C4orf36: variants seen among roughly 807,000 people sequenced by gnomAD.
C4orf36 encodes the protein uncharacterized protein C4orf36.
Under a neutral mutation model 12.2 loss-of-function variants are expected in C4orf36, and 11 were observed. The ratio of observed to expected loss-of-function variants is 0.90; its 90% CI spans 0.57 to 1.49. The LOEUF (loss-of-function observed/expected upper bound fraction) is 1.49. Ranked by LOEUF, C4orf36 falls within the 40% of genes most tolerant of loss-of-function variation. C4orf36 has a pLI of 0.00. For synonymous variants in C4orf36, 54 were observed against 51.3 expected (o/e 1.05, Z -0.22); for missense variants, 137 against 133.9 (o/e 1.02, Z -0.11).
the C4orf36 span, among the ~76,000 whole-genome samples, chr4:86,930,260 G>A: frequency 6.6e-6 from 1 of 152,204 alleles, no homozygotes; most frequent in Non-Finnish European, 1.5e-5. Context: ...CTGTCAGCAT[G>A]AAAACCCCAT....
the C4orf36 span, among the ~76,000 whole-genome samples, chr4:86,931,303 ATCCTTCCTCCTT>A: frequency 6.6e-6 from 1 of 151,740 alleles, no homozygotes; most frequent in South Asian, 2.1e-4. Context: ...GCTTAGACTA[ATCCTTCCTCCTT>A]TTTCATCCCT....
At chr4:86,910,396 C>T in the C4orf36 span, among the ~76,000 whole-genome samples, 18 of 151,872 alleles carry the variant, frequency 1.2e-4, no homozygotes, top group South Asian at 2.7e-3. Flanking sequence ...TGGGCAACAG[C>T]GCAAGACTCT....
chr4:86,901,557 G>A, the C4orf36 span, among the ~76,000 whole-genome samples: 6 of 151,316 alleles, frequency 4.0e-5, no homozygotes, highest in South Asian at 2.1e-4. Context: ...ACAGGCACCC[G>A]CCACCGCACC....
chr4:86,926,564 C>A, the C4orf36 span, among the ~76,000 whole-genome samples: 1 of 152,314 alleles, frequency 6.6e-6, no homozygotes, highest in Non-Finnish European at 1.5e-5. Flanking sequence ...TTATGGTCCT[C>A]ATAGATAAGG....
rs1747229374 is a variant in C4orf36 at position 86,887,695 on chromosome 4, G to C, written c.*2+63C>G. The C allele has an allele frequency of 3.8e-6, 6 of 1,598,880 alleles. No homozygotes were observed. In the Admixed American group the frequency reaches 1.0e-4, roughly 27 times the overall value. On this transcript the variant is annotated intron_variant, in intron 4 of 4. Coordinates refer to ENST00000295898, the MANE Select transcript of C4orf36 (RefSeq NM_144645.4). Reference sequence around the variant, plus strand: ...TGCCCTGAACTATACATAGTGAAAGGTCCAGAGACCTTCATGCCCTTTGGA... The same window carrying C: ...TGCCCTGAACTATACATAGTGAAAGCTCCAGAGACCTTCATGCCCTTTGGA...
At chr4:86,934,111 C>A in the C4orf36 span, among the ~76,000 whole-genome samples, 64 of 152,256 alleles carry the variant, frequency 4.2e-4, no homozygotes, top group Non-Finnish European at 8.7e-4. Context: ...TTACATTACA[C>A]ATCATATTAA....
the C4orf36 span, chr4:86,914,325 G>A: frequency 1.3e-6 from 2 of 1,547,564 alleles, no homozygotes; most frequent in Non-Finnish European, 1.8e-6. Flanking sequence ...GTCAATACCT[G>A]TGATATGTCC....
In C4orf36 at chr4:86,888,254, T is replaced by A; in HGVS notation, c.87A>T (p.Ala29=). 6.2e-7 allele frequency: 1 copy of A among 1,613,892 alleles called. No individual in the cohort carries two copies. Among genetic ancestry groups the A allele is most frequent in the Non-Finnish European group, 8.5e-7 (1 of 1,179,924 alleles). ...CYNVQEPWDI[A]LLAKTWSTNL... ...TTGTGGACCAGGTCTTTGCAAGCAA[T>A]GCAATATCCCAAGGTTCCTGTCTGG... The change falls in exon 3 of 5, where the codon GCA becomes GCT. Residue 29 remains alanine (A), a synonymous_variant. Coordinates refer to ENST00000295898, the MANE Select transcript of C4orf36 (RefSeq NM_144645.4).
At chr4:86,917,993 A>G in the C4orf36 span, among the ~76,000 whole-genome samples, 1 of 152,256 alleles carries the variant, frequency 6.6e-6, no homozygotes, top group Non-Finnish European at 1.5e-5. Context: ...GTCATTATGC[A>G]ATGCAAGATC....
At chr4:86,894,975 A>G (rs1747557210), upstream of C4orf36, among the ~76,000 whole-genome samples, 1 of 152,096 alleles carries the variant, frequency 6.6e-6, no homozygotes, top group Admixed American at 6.5e-5. Context: ...CACCCAGCTA[A>G]GTCACCCTAG....
Position 86,892,315 on chromosome 4 carries a change from G to C in C4orf36, c.-206C>G, listed in dbSNP as rs189858897. ...CAGGGGCTCGGAGGGTCGCGGCCGG[G>C]GTACTGAGGTAAGAGCGCGCTGCGC... On this transcript the variant is annotated 5_prime_UTR_variant, in exon 1 of 5. Coordinates refer to ENST00000295898, the MANE Select transcript of C4orf36 (RefSeq NM_144645.4). 135 of 985,538 alleles carry C rather than the reference G, an allele frequency of 1.4e-4. No individual in the cohort carries two copies. The highest frequency in any genetic ancestry group is 1.8e-4 in the Admixed American group (3 of 16,292). The allele number at this position is 985,538 out of a possible 1,614,324, so 61.0% of individuals were successfully genotyped here.
chr4:86,899,100 T>TA, the C4orf36 span, among the ~76,000 whole-genome samples: 1 of 152,034 alleles, frequency 6.6e-6, no homozygotes, highest in Non-Finnish European at 1.5e-5. Context: ...CAAAAATAAA[T>TA]ACAGAACTTC....
In C4orf36 at chr4:86,887,816, G is replaced by A. The variant is rs201044428; in HGVS notation, c.298C>T (p.Gln100Ter). ...GCTGGCCTTTCCCTCAGGAGAAGCTGAATTTCCTTAGATGTATTTTCTTGA... is the reference window on the plus strand; with the variant it reads ...GCTGGCCTTTCCCTCAGGAGAAGCTAAATTTCCTTAGATGTATTTTCTTGA... ...KCQENTSKEIQLLLRERPAGL... is the reference protein window; with the variant it reads ...KCQENTSKEI Residue 100 changes from glutamine (Q) to a stop codon, truncating the protein, a stop_gained, in exon 4 of 5, where the codon CAG becomes TAG. Transcript: ENST00000295898. LOFTEE classifies it high-confidence loss of function. 4.7e-5 allele frequency: 76 copies of A among 1,614,092 alleles called. No homozygotes were observed. Among genetic ancestry groups the A allele is most frequent in the Non-Finnish European group, 6.0e-5 (71 of 1,180,038 alleles).
At chr4:86,913,788 T>G in the C4orf36 span, 14 of 1,276,884 alleles carry the variant, frequency 1.1e-5, no homozygotes, top group Non-Finnish European at 1.6e-5. Context: ...AAAGGGCATC[T>G]TGCTGCCCCA....
the C4orf36 span, among the ~76,000 whole-genome samples, chr4:86,928,526 A>C: frequency 1.1e-4 from 17 of 152,198 alleles, no homozygotes; most frequent in Non-Finnish European, 2.4e-4. Flanking sequence ...CTGAAGGCAG[A>C]GTAGAGGAAG....
At chr4:86,910,308 A>G in the C4orf36 span, among the ~76,000 whole-genome samples, 1 of 152,094 alleles carries the variant, frequency 6.6e-6, no homozygotes, top group Non-Finnish European at 1.5e-5. Flanking sequence ...GCTACTCAGG[A>G]GGCTGAGGCA....
chr4:86,933,015 C>A, the C4orf36 span: 1 of 151,922 alleles, frequency 6.6e-6, no homozygotes, highest in Non-Finnish European at 1.5e-5. Context: ...TTGTTTATGT[C>A]TGAAATTTAA....
At chr4:86,903,579 G>A in the C4orf36 span, among the ~76,000 whole-genome samples, 1 of 152,190 alleles carries the variant, frequency 6.6e-6, no homozygotes, top group Admixed American at 6.5e-5. Flanking sequence ...GCTCCTAAAG[G>A]TGGCGCAGGC....
rs56099094 is a variant in C4orf36, at chr4:86,887,920, C to A, written c.221-27G>T. 8 of 1,613,092 alleles carry A rather than the reference C, an allele frequency of 5.0e-6. No homozygotes were observed. The Admixed American group carries it at 1.0e-4, about 20-fold the overall frequency. ...TGAAAAAGAAAATACACAAAACAAT[C>A]TGACATACATTTTTCATCAGGCATA... On this transcript the variant is annotated intron_variant, in intron 3 of 4. Coordinates refer to ENST00000295898, the MANE Select transcript of C4orf36 (RefSeq NM_144645.4).
Sources: gnomAD v4.1 joint callset for allele counts (sites outside exome capture counted in the v4.1 genomes callset) on GRCh38, gnomAD v4.1.1 for gene constraint, MANE v1.5 for transcripts, NCBI Gene and HGNC (gene_info 2026-07-23, HGNC 2026-07-21) for gene names.